The following RGL1 variants were observed in gnomAD, a reference collection of about 807,000 sequenced individuals.
RGL1 encodes the protein ral guanine nucleotide dissociation stimulator like 1.
Under a neutral mutation model 95.2 loss-of-function variants are expected in RGL1, and 24 were observed. That is an observed-to-expected ratio of 0.25 (90% CI 0.18 to 0.35). RGL1 has a LOEUF of 0.35. Among genes scored for constraint, RGL1 ranks in the 10% least tolerant of loss-of-function variants. The probability of loss-of-function intolerance (pLI) is 1.00; values close to 1 mark genes in which losing one functional copy is unlikely to be tolerated. For missense variants in RGL1, 715 were observed against 936.3 expected, an observed-to-expected ratio of 0.76 and a Z score of 3.08; for synonymous variants, 329 against 344.9, an observed-to-expected ratio of 0.95 and a Z score of 0.51.
intron 1 of RGL1, among the ~76,000 whole-genome samples, chr1:183,722,135 G>A (rs1356400132): frequency 3.9e-5 from 6 of 151,900 alleles, no homozygotes; most frequent in African/African-American, 7.3e-5. Flanking sequence ...AGGAGCACTG[G>A]AGAAGGTAAG....
chr1:183,798,878 C>CTTT (rs35765152), intron 2 of RGL1, among the ~76,000 whole-genome samples: 1 of 88,180 alleles, frequency 1.1e-5, no homozygotes, highest in Non-Finnish European at 2.2e-5. Context: ...GCAGGATTTC[C>CTTT]TTTTTTTTTT....
chr1:183,660,870 G>T (rs1476227279), intron 1 of RGL1, among the ~76,000 whole-genome samples: 2 of 152,152 alleles, frequency 1.3e-5, no homozygotes, highest in African/African-American at 4.8e-5. Context: ...TCAGACCACA[G>T]TGCAATCAAA....
intron 1 of RGL1, among the ~76,000 whole-genome samples, chr1:183,730,866 G>C (rs754076651): frequency 3.3e-5 from 5 of 152,228 alleles, no homozygotes; most frequent in Non-Finnish European, 7.4e-5. Flanking sequence ...ACTTCATCCT[G>C]TTCATGATAT....
chr1:183,805,996 TTTTTTTTTTTTTTTTA>T (rs1661301857), intron 1 of RGL1, among the ~76,000 whole-genome samples: 9 of 81,624 alleles, frequency 1.1e-4, no homozygotes, highest in East Asian at 4.0e-4. Context: ...TTTTTTTTTT[TTTTTTTTTTTTTTTTA>T]CAAAGAATTA....
At chr1:183,902,527 G>A (rs1235188273) in intron 11 of RGL1, 41 bp from the exon 12 acceptor site, 1 of 1,578,022 alleles carries the variant, frequency 6.3e-7, no homozygotes, top group Non-Finnish European at 8.6e-7. Context: ...GTGTTTTAAA[G>A]TAGCTTGGTT....
intron 2 of RGL1, among the ~76,000 whole-genome samples, chr1:183,772,940 C>T (rs1235948233): frequency 1.4e-5 from 2 of 140,664 alleles, no homozygotes; most frequent in African/African-American, 5.2e-5. Context: ...ACCCGGGAAG[C>T]GGAGCTTGCA....
intron 2 of RGL1, among the ~76,000 whole-genome samples, chr1:183,762,580 T>C (rs1429439142): frequency 6.6e-6 from 1 of 152,230 alleles, no homozygotes; most frequent in Non-Finnish European, 1.5e-5. Context: ...CAAGACCTGC[T>C]TGATGCGGGG....
intron 2 of RGL1, among the ~76,000 whole-genome samples, chr1:183,824,130 C>G (rs1189789975): frequency 6.6e-6 from 1 of 151,918 alleles, no homozygotes; most frequent in Non-Finnish European, 1.5e-5. Context: ...TCCTAGTGAT[C>G]GTTGCTTACA....
rs1669695163 is a variant in RGL1, at chr1:183,927,753, T to C, written c.*1461T>C. ...TAAGAAATGATTCTCAAAATACCAG[T>C]TTTTATTCCAAAAATTTAGAGAACA... On this transcript the variant is annotated 3_prime_UTR_variant, in exon 18 of 18. Coordinates refer to ENST00000360851, the MANE Select transcript of RGL1 (RefSeq NM_001297671.3). The C allele has an allele frequency of 6.6e-6, 1 of 152,604 alleles. No homozygotes were observed. Among genetic ancestry groups the C allele is most frequent in the Non-Finnish European group, 1.5e-5 (1 of 68,010 alleles). 9.5% of individuals were successfully genotyped at this position (152,604 alleles called of 1,614,324 possible). A position where few individuals can be genotyped will look rare whatever the true frequency, so the allele number is the denominator to read the frequency against.
chr1:183,844,618 G>A (rs1404732760), intron 2 of RGL1, among the ~76,000 whole-genome samples: 1 of 152,182 alleles, frequency 6.6e-6, no homozygotes, highest in Non-Finnish European at 1.5e-5. Context: ...AAGCAACAGT[G>A]AACCAAATAA....
intron 3 of RGL1, among the ~76,000 whole-genome samples, chr1:183,855,695 C>T (rs963257230): frequency 6.6e-6 from 1 of 152,178 alleles, no homozygotes; most frequent in South Asian, 2.1e-4. Context: ...GTCCCAGTGT[C>T]GCCTCTAGGG....
intron 3 of RGL1, 131 bp downstream of exon 3, chr1:183,847,905 A>C: frequency 1.5e-6 from 1 of 665,404 alleles, no homozygotes; most frequent in Non-Finnish European, 2.6e-6. Flanking sequence ...GGAAGGGATG[A>C]CCTTTGGCAC....
At chr1:183,743,486 T>C (rs959897098) in intron 2 of RGL1, among the ~76,000 whole-genome samples, 24 of 152,240 alleles carry the variant, frequency 1.6e-4, no homozygotes, top group African/African-American at 5.5e-4. Flanking sequence ...CTGGGTGATA[T>C]TCATTATCTT....
Position 183,904,976 on chromosome 1 carries a change from G to A in RGL1, c.1472+5G>A. On this transcript the variant is annotated splice_donor_5th_base_variant and intron_variant, in intron 13 of 17. Coordinates refer to ENST00000360851, the MANE Select transcript of RGL1 (RefSeq NM_001297671.3). ...GCTCCTGACAGAGGAGGAGAGGTGGGATCACCTGTCGTTCATCGGGGTAGA... is the reference window on the plus strand; with the variant it reads ...GCTCCTGACAGAGGAGGAGAGGTGGAATCACCTGTCGTTCATCGGGGTAGA... The A allele has an allele frequency of 6.2e-7, 1 of 1,609,934 alleles. No individual in the cohort carries two copies. Among genetic ancestry groups the A allele is most frequent in the Non-Finnish European group, 8.5e-7 (1 of 1,178,850 alleles).
At position 183,884,909 on chromosome 1, in the gene RGL1, A is replaced by C; in HGVS notation, c.922A>C (p.Ile308Leu). 1 of 1,614,078 alleles carries C rather than the reference A, an allele frequency of 6.2e-7. No individual in the cohort carries two copies. Among genetic ancestry groups the C allele is most frequent in the Non-Finnish European group, 8.5e-7 (1 of 1,179,940 alleles). Residue 308 changes from isoleucine to leucine, a missense_variant, in exon 7 of 18, where the codon ATC (isoleucine) becomes CTC (leucine). Physicochemically the swap from Ile to Leu is conservative, Grantham distance 5 (BLOSUM62 2). Around this residue, in one of 3 missense-constraint regions of RGL1, gnomAD observed 381 missense variants for 484.8 expected, o/e 0.79. Transcript: ENST00000360851. ...ACTCAAAACTCAGCAGAGAGCCAAAATCATTGAGAAGTGGATCAACATCGC... is the reference window on the plus strand; with the variant it reads ...ACTCAAAACTCAGCAGAGAGCCAAACTCATTGAGAAGTGGATCAACATCGC... ...KELKTQQRAKIIEKWINIAHE... is the reference protein window; with the variant it reads ...KELKTQQRAKLIEKWINIAHE...
intron 2 of RGL1, among the ~76,000 whole-genome samples, chr1:183,789,605 AGAGT>A (rs1214011005): frequency 2.7e-4 from 41 of 152,204 alleles, no homozygotes; most frequent in Admixed American, 2.7e-3. Context: ...AGAGTATATC[AGAGT>A]AAGTCTTAGT....
chr1:183,757,866 A>C (rs1277657885), intron 2 of RGL1, among the ~76,000 whole-genome samples: 1 of 152,200 alleles, frequency 6.6e-6, no homozygotes, highest in Admixed American at 6.5e-5. Context: ...TCTTTGTTCT[A>C]TAATCTCCTC....
intron 1 of RGL1, among the ~76,000 whole-genome samples, chr1:183,694,278 G>T (rs940788882): frequency 2.0e-5 from 3 of 152,192 alleles, no homozygotes. Context: ...GCTAGTGTGT[G>T]TAGTTCCACA....
At chr1:183,650,511 C>G (rs1354855185) in intron 1 of RGL1, among the ~76,000 whole-genome samples, 1 of 152,142 alleles carries the variant, frequency 6.6e-6, no homozygotes, top group African/African-American at 2.4e-5. Context: ...CCACTGCACT[C>G]CAGCCTGGGT....
Sources: gnomAD v4.1 joint callset for allele counts (sites outside exome capture counted in the v4.1 genomes callset) on GRCh38, gnomAD v4.1.1 for gene constraint, gnomAD v4.1.1 regional missense constraint, MANE v1.5 for transcripts, NCBI Gene and HGNC (gene_info 2026-07-23, HGNC 2026-07-21) for gene names.